The following WWOX variants were observed in gnomAD, a reference collection of about 807,000 sequenced individuals.
WWOX encodes WW domain-containing oxidoreductase.
In WWOX, 69 loss-of-function variants were observed where a neutral mutation model predicts 46.2. The ratio of observed to expected loss-of-function variants is 1.49; its 90% CI spans 1.23 to 1.82. WWOX has a LOEUF of 1.82. Ranked by LOEUF, WWOX falls within the 40% of genes most tolerant of loss-of-function variation. The pLI is 0.00. For synonymous variants in WWOX, 359 were observed against 202.6 expected (o/e 1.77, Z -6.56); for missense variants, 919 against 542.6 (o/e 1.69, Z -6.89).
chr16:78,848,394 G>T (rs1201830629), intron 8 of WWOX, among the ~76,000 whole-genome samples: 2 of 152,160 alleles, frequency 1.3e-5, no homozygotes, highest in African/African-American at 4.8e-5. Context: ...TTGGCTTTTG[G>T]ACTAGACCAG....
At chr16:78,371,437 A>AT (rs2081682999) in intron 5 of WWOX, among the ~76,000 whole-genome samples, 1 of 152,140 alleles carries the variant, frequency 6.6e-6, no homozygotes, top group African/African-American at 2.4e-5. Flanking sequence ...AAGAATCCAT[A>AT]TTTTTATGTG....
intron 8 of WWOX, among the ~76,000 whole-genome samples, chr16:79,089,583 A>G (rs943693045): frequency 1.3e-5 from 2 of 151,978 alleles, no homozygotes; most frequent in Non-Finnish European, 2.9e-5. Context: ...GCCCGCCTCA[A>G]AGTCCCAACG....
At chr16:78,180,852 C>T (rs778767605) in intron 5 of WWOX, among the ~76,000 whole-genome samples, 1 of 152,134 alleles carries the variant, frequency 6.6e-6, no homozygotes, top group African/African-American at 2.4e-5. Context: ...GTAAATCCAG[C>T]AGACGTCCGG....
chr16:79,162,379 G>T (rs1284958552), intron 8 of WWOX, among the ~76,000 whole-genome samples: 1 of 152,212 alleles, frequency 6.6e-6, no homozygotes, highest in Admixed American at 6.5e-5. Context: ...TGCACAGGTT[G>T]TAATACTCTC....
At chr16:78,830,516 A>G (rs889907757) in intron 8 of WWOX, among the ~76,000 whole-genome samples, 2 of 151,930 alleles carry the variant, frequency 1.3e-5, no homozygotes, top group African/African-American at 2.4e-5. Context: ...CAAATTACCC[A>G]TTACCAGGGA....
intron 8 of WWOX, among the ~76,000 whole-genome samples, chr16:78,727,153 C>G (rs758900112): frequency 1.1e-4 from 17 of 152,190 alleles, no homozygotes; most frequent in South Asian, 2.1e-4. Context: ...AATGCCAGCA[C>G]TTTGGGAGGC....
chr16:78,650,814 T>C (rs1383913959), intron 8 of WWOX, among the ~76,000 whole-genome samples: 1 of 152,192 alleles, frequency 6.6e-6, no homozygotes, highest in South Asian at 2.1e-4. Flanking sequence ...AAGGTTCCAC[T>C]GTGGATTTTT....
chr16:78,151,586 T>A (rs1210753152), intron 4 of WWOX, among the ~76,000 whole-genome samples: 2 of 152,214 alleles, frequency 1.3e-5, no homozygotes, highest in African/African-American at 4.8e-5. Flanking sequence ...GCTCAGGAAA[T>A]ACCTTGTTTG....
At chr16:79,186,667 T>A (rs779475817) in intron 8 of WWOX, among the ~76,000 whole-genome samples, 1 of 152,134 alleles carries the variant, frequency 6.6e-6, no homozygotes, top group African/African-American at 2.4e-5. Flanking sequence ...ATTCAACCTA[T>A]AACAAGTAAT....
chr16:78,466,809 C>A (rs113836426), intron 8 of WWOX, among the ~76,000 whole-genome samples: 40 of 152,274 alleles, frequency 2.6e-4, no homozygotes, highest in African/African-American at 7.5e-4. Flanking sequence ...TATCTCACCT[C>A]TGCACTCCAG....
intron 5 of WWOX, among the ~76,000 whole-genome samples, chr16:78,228,526 G>C (rs1303720191): frequency 5.3e-5 from 8 of 151,984 alleles, no homozygotes; most frequent in Admixed American, 4.6e-4. Context: ...ATTTTTTGTA[G>C]AGACAGGGTT....
chr16:78,673,217 G>A (rs556274896), intron 8 of WWOX, among the ~76,000 whole-genome samples: 1 of 152,176 alleles, frequency 6.6e-6, no homozygotes, highest in Admixed American at 6.6e-5. Context: ...AATAAAACAG[G>A]AATTTTCAGA....
intron 8 of WWOX, among the ~76,000 whole-genome samples, chr16:79,159,265 G>C (rs755978970): frequency 6.6e-6 from 1 of 152,174 alleles, no homozygotes; most frequent in Non-Finnish European, 1.5e-5. Context: ...ATCTCATTCG[G>C]TGCATACGCA....
At chr16:78,171,874 GT>G (rs1170914272) in intron 5 of WWOX, among the ~76,000 whole-genome samples, 1 of 152,152 alleles carries the variant, frequency 6.6e-6, no homozygotes, top group Non-Finnish European at 1.5e-5. Flanking sequence ...TCTTTGGGGC[GT>G]TTGCAAAATG....
chr16:78,108,554 G>C, intron 2 of WWOX, 67 bp downstream of exon 2: 2 of 1,547,758 alleles, frequency 1.3e-6, no homozygotes, highest in Non-Finnish European at 1.8e-6. Flanking sequence ...GTCACTGGCA[G>C]AGAGGTGACA....
intron 8 of WWOX, chr16:79,205,454 G>A (rs1049268936): frequency 2.0e-5 from 3 of 152,210 alleles, no homozygotes; most frequent in South Asian, 2.1e-4. Context: ...CATTGTCCAC[G>A]TCTAATTTGT....
chr16:78,830,904 GTCT>G (rs1282273502), intron 8 of WWOX, among the ~76,000 whole-genome samples: 1 of 151,996 alleles, frequency 6.6e-6, no homozygotes, highest in Non-Finnish European at 1.5e-5. Context: ...GGTCAGGTGC[GTCT>G]TCTTCATTTA....
At chr16:78,207,568 T>C (rs955484000) in intron 5 of WWOX, among the ~76,000 whole-genome samples, 3 of 151,940 alleles carry the variant, frequency 2.0e-5, no homozygotes, top group Non-Finnish European at 4.4e-5. Flanking sequence ...TTTTCACTCC[T>C]TTAATTGAGA....
intron 8 of WWOX, among the ~76,000 whole-genome samples, chr16:78,716,207 G>A (rs186042770): frequency 8.6e-5 from 13 of 152,046 alleles, no homozygotes; most frequent in East Asian, 1.9e-4. Context: ...ACATAGGGCC[G>A]TGTAGAGGCA....
Sources: allele counts gnomAD v4.1 joint callset (sites outside exome capture counted in the v4.1 genomes callset), GRCh38; gene constraint gnomAD v4.1.1; transcripts MANE v1.5; gene names NCBI Gene and HGNC (gene_info 2026-07-23, HGNC 2026-07-21).